CEP83: variants seen among roughly 807,000 people sequenced by gnomAD.
The protein encoded by CEP83 is centrosomal protein 83.
CEP83 carries 70 observed loss-of-function variants against 101.9 expected under a neutral mutation model. That is an observed-to-expected ratio of 0.69 (90% CI 0.57 to 0.84). CEP83 has a LOEUF of 0.84. CEP83 is among the 40% of genes least tolerant of loss of function. The pLI is 0.00. For missense variants in CEP83, 715 were observed against 787.2 expected, an observed-to-expected ratio of 0.91 and a Z score of 1.10; for synonymous variants, 264 against 267.9, an observed-to-expected ratio of 0.99 and a Z score of 0.14.
chr12:94,429,553 T>C (rs1593995241), intron 2 of CEP83, among the ~76,000 whole-genome samples: 1 of 152,224 alleles, frequency 6.6e-6, no homozygotes, highest in East Asian at 1.9e-4. Flanking sequence ...CCCACTGACA[T>C]ACCCAGCCCA....
intron 2 of CEP83, among the ~76,000 whole-genome samples, chr12:94,419,266 T>C (rs2064529429): frequency 6.6e-6 from 1 of 152,058 alleles, no homozygotes; most frequent in Non-Finnish European, 1.5e-5. Context: ...TTTAAAGACA[T>C]TCTTAATAAT....
At chr12:94,456,915 T>C (rs770315619) in intron 1 of CEP83, among the ~76,000 whole-genome samples, 4 of 152,140 alleles carry the variant, frequency 2.6e-5, no homozygotes, top group South Asian at 2.1e-4. Context: ...ACAATCTAGT[T>C]AGGAAGTCAA....
chr12:94,390,558 G>C (rs1316029026), intron 6 of CEP83, among the ~76,000 whole-genome samples: 2 of 152,178 alleles, frequency 1.3e-5, no homozygotes, highest in Non-Finnish European at 2.9e-5. Flanking sequence ...AAAAATCAAA[G>C]CGCCTCTTCT....
intron 11 of CEP83, chr12:94,361,109 G>A (rs2136929653): frequency 6.6e-6 from 1 of 152,054 alleles, no homozygotes; most frequent in East Asian, 1.9e-4. Context: ...AAAAACTTAA[G>A]TATGAGACCC....
intron 9 of CEP83, 105 bp downstream of exon 9, chr12:94,369,817 A>C: frequency 1.5e-6 from 1 of 654,684 alleles, no homozygotes; most frequent in Non-Finnish European, 2.7e-6. Flanking sequence ...AACTAAATTA[A>C]GTTGAAAATT....
At chr12:94,323,935 G>T (rs2058857281) in intron 14 of CEP83, among the ~76,000 whole-genome samples, 1 of 152,156 alleles carries the variant, frequency 6.6e-6, no homozygotes, top group Non-Finnish European at 1.5e-5. Flanking sequence ...TCACACTAGA[G>T]ATCACAATAG....
chr12:94,429,038 A>G lies in CEP83; in HGVS notation c.-102+6237T>C, dbSNP rs149000111. 1.3e-3 allele frequency among the ~76,000 whole-genome samples: 196 copies of G among 152,366 alleles called. No individual in the cohort carries two copies. The South Asian group carries it at 0.017, about 13-fold the overall frequency. On this transcript the variant is annotated intron_variant, in intron 2 of 16. Transcript: ENST00000397809. Reference sequence around the variant, plus strand: ...ACTGAATAAGGATGAGAGAAAATGGACTATTTAAACTTTCTGGACTTAAAA... The same window carrying G: ...ACTGAATAAGGATGAGAGAAAATGGGCTATTTAAACTTTCTGGACTTAAAA...
chr12:94,274,155 TAAAAAAAAA>T, the CEP83 span, among the ~76,000 whole-genome samples: 25 of 45,370 alleles, frequency 5.5e-4, no homozygotes, highest in Admixed American at 1.1e-3. Flanking sequence ...ACCCTGTCTC[TAAAAAAAAA>T]AAAAAAAAAA....
chr12:94,303,086 A>T (rs189943284), downstream of CEP83, among the ~76,000 whole-genome samples: 619 of 152,326 alleles, frequency 4.1e-3, 4 homozygotes, highest in Middle Eastern at 0.024. Flanking sequence ...TTTTGTGAAA[A>T]ATAATGATTT....
At chr12:94,314,969 T>C (rs201294601) in intron 14 of CEP83, among the ~76,000 whole-genome samples, 10 of 152,354 alleles carry the variant, frequency 6.6e-5, no homozygotes, top group Middle Eastern at 3.4e-3. Flanking sequence ...TTGTCATTCA[T>C]TGTACAAATA....
intron 2 of CEP83, among the ~76,000 whole-genome samples, chr12:94,421,680 T>C (rs1210453660): frequency 1.3e-5 from 2 of 152,228 alleles, no homozygotes; most frequent in African/African-American, 2.4e-5. Flanking sequence ...AGTAATTTCA[T>C]TGTTGTGTGA....
rs544133068 is a variant in CEP83, at chr12:94,421,389, TAGAA to T, written c.-101-8802_-101-8799del. 2.1e-3 allele frequency among the ~76,000 whole-genome samples: 322 copies of T among 152,166 alleles called. 1 individual carries two copies. The highest frequency in any genetic ancestry group is 7.4e-3 in the African/African-American group (309 of 41,516). On this transcript the variant is annotated intron_variant, in intron 2 of 16. Coordinates refer to ENST00000397809, the MANE Select transcript of CEP83 (RefSeq NM_016122.3). The stretch of plus-strand genomic sequence containing the variant: ...ATTCACAATTTTTTAAAAAGGGACT[TAGAA>T]GGGAGAGTAATTCAAAAATTGGGCT...
downstream of CEP83, chr12:94,306,368 A>G (rs1260584442): frequency 2.6e-5 from 4 of 152,312 alleles, no homozygotes; most frequent in Admixed American, 6.5e-5. Flanking sequence ...GTACTTTTTG[A>G]AAGTATTCCT....
intron 6 of CEP83, among the ~76,000 whole-genome samples, chr12:94,397,304 G>T (rs773245890): frequency 1.3e-5 from 2 of 152,088 alleles, no homozygotes; most frequent in East Asian, 3.9e-4. Context: ...TTTGAGACCA[G>T]CCTGGCCAAC....
intron 6 of CEP83, among the ~76,000 whole-genome samples, chr12:94,395,305 G>T (rs1408424150): frequency 1.3e-5 from 2 of 151,112 alleles, no homozygotes; most frequent in Non-Finnish European, 2.9e-5. Flanking sequence ...TACACGTTGT[G>T]CACATGTACC....
At chr12:94,266,335 C>T in the CEP83 span, among the ~76,000 whole-genome samples, 3 of 152,138 alleles carry the variant, frequency 2.0e-5, no homozygotes, top group South Asian at 2.1e-4. Context: ...CATCCGAGAG[C>T]GGGAAGCTGA....
chr12:94,347,066 T>TAC (rs1338503463), intron 11 of CEP83, among the ~76,000 whole-genome samples: 76 of 145,222 alleles, frequency 5.2e-4, no homozygotes, highest in Non-Finnish European at 8.6e-4. Flanking sequence ...TATATATATA[T>TAC]ATACACATAC....
rs1252422373 is a variant in CEP83 at position 94,368,177 on chromosome 12, A to T, written c.1073T>A (p.Leu358His). Reference protein sequence around the residue: ...LDGLQSDNEILKAAVEHHKVL... With the variant: ...LDGLQSDNEIHKAAVEHHKVL... ...TTTGTGATGTTCAACAGCTGCTTTG[A>T]GAATTTCATTGTCTGACTGTAATCC... is the stretch of plus-strand genomic sequence containing the variant. The change falls in exon 10 of 17, where the codon CTC becomes CAC. Residue 358 changes from leucine (L) to histidine (H), a missense_variant. Transcript: ENST00000397809. 1 of 1,612,676 alleles carries T rather than the reference A, an allele frequency of 6.2e-7. No individual in the cohort carries two copies. Among genetic ancestry groups the T allele is most frequent in the South Asian group, 1.1e-5 (1 of 90,756 alleles).
chr12:94,440,565 C>T (rs2066326729), intron 1 of CEP83, among the ~76,000 whole-genome samples: 1 of 151,590 alleles, frequency 6.6e-6, no homozygotes, highest in Non-Finnish European at 1.5e-5. Context: ...GAAATATATC[C>T]CATGCGCATG....
Sources: allele counts gnomAD v4.1 joint callset (sites outside exome capture counted in the v4.1 genomes callset), GRCh38; gene constraint gnomAD v4.1.1; transcripts MANE v1.5; gene names NCBI Gene and HGNC (gene_info 2026-07-23, HGNC 2026-07-21).